Variants in CNTN6 observed in about 807,000 individuals in gnomAD.
CNTN6 encodes the protein contactin-6.
CNTN6 carries 137 observed loss-of-function variants against 122.8 expected under a neutral mutation model. The observed-to-expected ratio is 1.12, with a 90% CI of 0.97 to 1.29. The LOEUF (loss-of-function observed/expected upper bound fraction) is 1.29, where lower values mean the gene tolerates loss of function less well. Among genes scored for constraint, CNTN6 ranks in the 50% most tolerant of loss-of-function variants. The probability of loss-of-function intolerance (pLI) is 0.00; values close to 1 mark genes in which losing one functional copy is unlikely to be tolerated. For missense variants in CNTN6, 1,634 were observed against 1,223.4 expected (o/e 1.34, Z -5.01); for synonymous variants, 570 against 426.0 (o/e 1.34, Z -4.16).
chr3:1,349,562 C>T (rs977803207), intron 11 of CNTN6, among the ~76,000 whole-genome samples: 10 of 151,654 alleles, frequency 6.6e-5, no homozygotes, highest in Non-Finnish European at 1.5e-4. Context: ...TTACCAAAAC[C>T]ATCAATTAAA....
chr3:1,245,311 TA>T (rs1559597963), intron 4 of CNTN6, among the ~76,000 whole-genome samples: 461 of 17,600 alleles, frequency 0.026, 80 homozygotes, highest in African/African-American at 0.093. Flanking sequence ...TATATATATA[TA>T]TATATATATA....
At chr3:1,352,111 T>C (rs765628688) in intron 11 of CNTN6, among the ~76,000 whole-genome samples, 3 of 151,928 alleles carry the variant, frequency 2.0e-5, no homozygotes, top group African/African-American at 4.8e-5. Context: ...ATGATAATTA[T>C]CAATATCGTG....
Position 1,125,541 on chromosome 3 carries a change from T to C in CNTN6, c.-82-22386T>C, listed in dbSNP as rs2092129777. Reference sequence around the variant, plus strand: ...AGAGGCAATGTGAGTATTATGCAGGTTCAAACCAGGTCAGAATAAAAATGA... The same window carrying C: ...AGAGGCAATGTGAGTATTATGCAGGCTCAAACCAGGTCAGAATAAAAATGA... On this transcript the variant is annotated intron_variant, in intron 1 of 22. Coordinates refer to ENST00000446702, the MANE Select transcript of CNTN6 (RefSeq NM_001289080.2). Among the ~76,000 whole-genome samples, 9 of 151,924 alleles carry C rather than the reference T, an allele frequency of 5.9e-5. No homozygotes were observed. The South Asian group carries it at 1.7e-3, about 28-fold the overall frequency.
intron 7 of CNTN6, among the ~76,000 whole-genome samples, chr3:1,310,906 C>T (rs1699128938): frequency 1.3e-5 from 2 of 151,962 alleles, no homozygotes; most frequent in Non-Finnish European, 2.9e-5. Context: ...GTGGCTGAAG[C>T]AGGAGAATCG....
intron 5 of CNTN6, among the ~76,000 whole-genome samples, chr3:1,287,041 C>A (rs935257573): frequency 6.6e-6 from 1 of 152,104 alleles, no homozygotes; most frequent in African/African-American, 2.4e-5. Context: ...TATATATGCA[C>A]CCAATACAGG....
chr3:1,291,688 T>G (rs1430803243), intron 5 of CNTN6, among the ~76,000 whole-genome samples: 1 of 152,286 alleles, frequency 6.6e-6, no homozygotes, highest in East Asian at 1.9e-4. Context: ...AAAAATTTAC[T>G]CTCTAGATGA....
At chr3:1,245,588 G>T (rs1286149383) in intron 4 of CNTN6, among the ~76,000 whole-genome samples, 2 of 150,968 alleles carry the variant, frequency 1.3e-5, no homozygotes, top group South Asian at 4.2e-4. Context: ...TACAGTGTAC[G>T]TGGCTCAGGT....
intron 1 of CNTN6, among the ~76,000 whole-genome samples, chr3:1,113,052 T>C (rs1238813082): frequency 6.6e-6 from 1 of 152,156 alleles, no homozygotes; most frequent in Non-Finnish European, 1.5e-5. Flanking sequence ...CACTGGGTTG[T>C]AGAGATGAAA....
intron 1 of CNTN6, among the ~76,000 whole-genome samples, chr3:1,116,698 CTTTTT>C (rs10594022): frequency 8.4e-5 from 6 of 71,764 alleles, no homozygotes; most frequent in Admixed American, 3.3e-4. Context: ...GTCATCAAAT[CTTTTT>C]TTTTTTTTTT....
intron 5 of CNTN6, among the ~76,000 whole-genome samples, chr3:1,288,327 G>T (rs933896709): frequency 3.8e-4 from 12 of 31,482 alleles, no homozygotes; most frequent in African/African-American, 1.4e-3. Context: ...AATAGGAGTG[G>T]ATTTTAAAGT....
intron 2 of CNTN6, 84 bp downstream of exon 2, chr3:1,148,147 T>C (rs2092762787): frequency 9.8e-7 from 1 of 1,020,114 alleles, no homozygotes; most frequent in Non-Finnish European, 1.5e-6. Context: ...ATTTTCAAAA[T>C]GCACAATTTG....
chr3:1,400,530 A>C (rs1695554105), intron 20 of CNTN6, among the ~76,000 whole-genome samples: 2 of 152,136 alleles, frequency 1.3e-5, no homozygotes, highest in African/African-American at 4.8e-5. Flanking sequence ...TTGGATTTAA[A>C]GTTGATGTCC....
At chr3:1,334,622 A>G (rs1702786485) in intron 11 of CNTN6, among the ~76,000 whole-genome samples, 1 of 152,048 alleles carries the variant, frequency 6.6e-6, no homozygotes, top group Admixed American at 6.6e-5. Context: ...AAACACGGCA[A>G]TTGCTGTGAA....
intron 4 of CNTN6, among the ~76,000 whole-genome samples, chr3:1,240,321 G>T (rs1046795961): frequency 3.9e-5 from 6 of 151,952 alleles, no homozygotes; most frequent in Admixed American, 3.3e-4. Context: ...AAACAAATCA[G>T]CAAGAAAAAA....
intron 2 of CNTN6, among the ~76,000 whole-genome samples, chr3:1,187,141 C>T (rs1311510534): frequency 6.6e-6 from 1 of 152,104 alleles, no homozygotes; most frequent in Non-Finnish European, 1.5e-5. Flanking sequence ...ATAGACTTCC[C>T]ACTGATAAAT....
At position 1,391,659 on chromosome 3, in the gene CNTN6, T is replaced by C. The variant is rs1437459612; in HGVS notation, c.2704+5862T>C. Among the ~76,000 whole-genome samples the C allele has an allele frequency of 4.6e-3, 703 of 151,304 alleles. 3 individuals are homozygous for C. Among genetic ancestry groups the C allele is most frequent in the African/African-American group, 0.016 (636 of 40,850 alleles). ...ATGATTGTATATCTAGAAAACCCCA[T>C]TGTCTCAGCCCAAAATCTCCTTAAG... On this transcript the variant is annotated intron_variant, in intron 20 of 22. Coordinates refer to ENST00000446702, the MANE Select transcript of CNTN6 (RefSeq NM_001289080.2).
intron 2 of CNTN6, among the ~76,000 whole-genome samples, chr3:1,164,070 T>G (rs1191478685): frequency 6.6e-6 from 1 of 152,170 alleles, no homozygotes; most frequent in African/African-American, 2.4e-5. Flanking sequence ...TGTGTGAGAT[T>G]TGGAAGGTGG....
At chr3:1,110,137 T>C (rs943106774) in intron 1 of CNTN6, among the ~76,000 whole-genome samples, 1 of 150,984 alleles carries the variant, frequency 6.6e-6, no homozygotes, top group Admixed American at 6.6e-5. Flanking sequence ...TTACATCAGG[T>C]GCATTCAAAA....
At chr3:1,327,391 C>T in intron 9 of CNTN6, 66 bp from the exon 10 acceptor site, 1 of 1,483,174 alleles carries the variant, frequency 6.7e-7, no homozygotes, top group Non-Finnish European at 9.3e-7. Context: ...TGTTTAATAA[C>T]ATATCCTGGT....
Sources: allele counts gnomAD v4.1 joint callset (sites outside exome capture counted in the v4.1 genomes callset), GRCh38; gene constraint gnomAD v4.1.1; transcripts MANE v1.5; gene names NCBI Gene and HGNC (gene_info 2026-07-23, HGNC 2026-07-21).